The following RGS3 variants were observed in gnomAD, a reference collection of about 807,000 sequenced individuals.
RGS3 encodes the protein regulator of G-protein signalling 3.
RGS3 carries 80 observed loss-of-function variants against 132.6 expected under a neutral mutation model. The observed-to-expected ratio is 0.60, with a 90% CI of 0.50 to 0.73. The LOEUF (loss-of-function observed/expected upper bound fraction) is 0.73. Among genes scored for constraint, RGS3 ranks in the 30% least tolerant of loss-of-function variants. The pLI, the probability that RGS3 is intolerant of heterozygous loss-of-function variation, is 0.00. For synonymous variants in RGS3, 598 were observed against 620.6 expected (o/e 0.96, Z 0.54); for missense variants, 1,382 against 1,530.8 (o/e 0.90, Z 1.62).
chr9:113,522,265 C>G (rs1311642672), intron 16 of RGS3: 1 of 152,144 alleles, frequency 6.6e-6, no homozygotes, highest in African/African-American at 2.4e-5. Context: ...TAAACTTATC[C>G]ACAAGGAATT....
chr9:113,456,897 T>G (rs887072497), upstream of RGS3, among the ~76,000 whole-genome samples: 1 of 152,168 alleles, frequency 6.6e-6, no homozygotes, highest in African/African-American at 2.4e-5. Context: ...GCCTCCGGGT[T>G]CAAGCCATTC....
Position 113,591,858 on chromosome 9 carries a change from GA to G in RGS3, c.3080+463del. Reference sequence around the variant, plus strand: ...AGGGGGCGCTGCTGGCCCAGCTGCCGAATCCCGCACTCGCCAAGCCTTTCTG... The same window carrying G: ...AGGGGGCGCTGCTGGCCCAGCTGCCGATCCCGCACTCGCCAAGCCTTTCTG... On this transcript the variant is annotated intron_variant, in intron 21 of 24. Coordinates refer to ENST00000350696, the Ensembl canonical transcript of RGS3. This position sits in a 1 kb window ranked among gnomAD's most constrained non-coding sequence, Gnocchi z 4.4. 7.0e-5 allele frequency: 12 copies of G among 171,034 alleles called. No individual in the cohort carries two copies. The highest frequency in any genetic ancestry group is 5.6e-4 in the South Asian group (4 of 7,104). The allele number at this position is 171,034 out of a possible 1,614,324, so 10.6% of individuals were successfully genotyped here.
chr9:113,565,875 CTGTGTGTGTGTGTGTG>C lies in RGS3; in HGVS notation c.2038-17549_2038-17534del, dbSNP rs34919768. The C allele has an allele frequency of 5.0e-5, 7 of 138,956 alleles. No individual in the cohort carries two copies. The highest frequency in any genetic ancestry group is 1.8e-4 in the African/African-American group (6 of 33,188). 8.6% of individuals were successfully genotyped at this position (138,956 alleles called of 1,614,324 possible). On this transcript the variant is annotated intron_variant, in intron 19 of 24. Coordinates refer to ENST00000350696, the Ensembl canonical transcript of RGS3. The surrounding 1 kb of genome is among the most constrained non-coding windows in gnomAD (Gnocchi z 5.7). ...ATTTGTGCTCTGTTCTGAGATAGCT[CTGTGTGTGTGTGTGTG>C]TGTGTGTGTGTGTGTGTGTGTGTGT...
Position 113,565,825 on chromosome 9 carries a change from T to C in RGS3, c.2038-17625T>C, listed in dbSNP as rs768565906. 3.9e-4 allele frequency: 74 copies of C among 191,570 alleles called. No homozygotes were observed. Among genetic ancestry groups the C allele is most frequent in the Non-Finnish European group, 7.2e-4 (66 of 91,726 alleles). The allele number at this position is 191,570 out of a possible 1,614,324, so 11.9% of individuals were successfully genotyped here. ...TATTGTTTCTTCCCCAGGGCAGCCA[T>C]TGATAGGCATGTTGCAACCAAACCA... On this transcript the variant is annotated intron_variant, in intron 19 of 24. Coordinates refer to ENST00000350696, the Ensembl canonical transcript of RGS3. This position sits in a 1 kb window ranked among gnomAD's most constrained non-coding sequence, Gnocchi z 5.7.
At chr9:113,524,097 C>T (rs1197711733) in intron 17 of RGS3, among the ~76,000 whole-genome samples, 1 of 152,202 alleles carries the variant, frequency 6.6e-6, no homozygotes, top group African/African-American at 2.4e-5. Flanking sequence ...GCCGCCTGAG[C>T]AACTCCAGTT....
chr9:113,450,408 T>C (rs1408446342), intron 1 of RGS3, among the ~76,000 whole-genome samples: 1 of 152,228 alleles, frequency 6.6e-6, no homozygotes, highest in Non-Finnish European at 1.5e-5. Context: ...GGCCCCAGGC[T>C]TGGCAGTAGG....
chr9:113,558,021 A>T (rs1295600729), intron 19 of RGS3, among the ~76,000 whole-genome samples: 1 of 152,190 alleles, frequency 6.6e-6, no homozygotes, highest in Non-Finnish European at 1.5e-5. Context: ...GGAGGAAGGC[A>T]AGTCGAGAGG....
chr9:113,458,081 T>C (rs188734844), upstream of RGS3, among the ~76,000 whole-genome samples: 194 of 152,336 alleles, frequency 1.3e-3, no homozygotes, highest in Middle Eastern at 0.01. Flanking sequence ...TCCCACAGTG[T>C]ATGCATGATC....
At chr9:113,541,824 C>G in intron 19 of RGS3, 1 of 992,302 alleles carries the variant, frequency 1.0e-6, no homozygotes, top group Non-Finnish European at 1.2e-6. Flanking sequence ...CAGAGGACAT[C>G]TCCGCCCATC....
chr9:113,594,286 G>A (rs928592167), intron 21 of RGS3, 144 bp from the exon 20 acceptor site: 8 of 1,601,512 alleles, frequency 5.0e-6, no homozygotes, highest in Non-Finnish European at 6.8e-6. Flanking sequence ...GATGCTCCGA[G>A]GCATGTACCT....
At chr9:113,485,884 A>G (rs1185531648) in intron 7 of RGS3, among the ~76,000 whole-genome samples, 191 bp downstream of exon 5, 3 of 152,224 alleles carry the variant, frequency 2.0e-5, no homozygotes, top group Middle Eastern at 3.2e-3. Flanking sequence ...TGTGTTATCA[A>G]TGAGCATTTG....
At chr9:113,455,761 A>G (rs2119149696), upstream of RGS3, among the ~76,000 whole-genome samples, 1 of 152,248 alleles carries the variant, frequency 6.6e-6, no homozygotes. Context: ...ACCTTGTTCT[A>G]CCTTGAAGAT....
At chr9:113,554,030 A>T (rs1833469278) in intron 19 of RGS3, among the ~76,000 whole-genome samples, 1 of 152,196 alleles carries the variant, frequency 6.6e-6, no homozygotes. Context: ...TGTGGCACAC[A>T]CTACCGAAGT....
intron 4 of RGS3, among the ~76,000 whole-genome samples, chr9:113,482,489 CCTGTG>C (rs1830197941): frequency 2.0e-5 from 3 of 152,236 alleles, no homozygotes; most frequent in African/African-American, 7.2e-5. Flanking sequence ...GCTTGTGACT[CCTGTG>C]CTGTGCTGTC....
chr9:113,495,857 G>A lies in RGS3; in HGVS notation c.750+11G>A. On this transcript the variant is annotated intron_variant, in intron 8 of 24. Coordinates refer to ENST00000350696, the Ensembl canonical transcript of RGS3. ...CTGACTCCAGACAAGGTGGGTCCTA[G>A]GGATGCTTCTGTCAGGATCATCCCA... 2 of 1,612,800 alleles carry A rather than the reference G, an allele frequency of 1.2e-6. No individual in the cohort carries two copies. Among genetic ancestry groups the A allele is most frequent in the South Asian group, 1.1e-5 (1 of 91,060 alleles).
chr9:113,559,429 T>G (rs1256429596), intron 19 of RGS3, among the ~76,000 whole-genome samples: 1 of 152,170 alleles, frequency 6.6e-6, no homozygotes, highest in East Asian at 1.9e-4. Context: ...TGCCCCAGGA[T>G]GGAGGCAGAA....
chr9:113,512,593 C>T (rs551183833), intron 14 of RGS3, among the ~76,000 whole-genome samples: 5 of 152,190 alleles, frequency 3.3e-5, no homozygotes, highest in East Asian at 1.9e-4. Flanking sequence ...GTTTTATCTC[C>T]GAGGCTGTGG....
intron 18 of RGS3, among the ~76,000 whole-genome samples, chr9:113,533,379 C>T (rs575744191): frequency 6.6e-5 from 10 of 152,160 alleles, no homozygotes; most frequent in South Asian, 6.2e-4. Flanking sequence ...TACAGGTGCA[C>T]ACCACCATGC....
exon 20 of RGS3, chr9:113,584,206 C>A: frequency 6.2e-7 from 1 of 1,614,066 alleles, no homozygotes; most frequent in Non-Finnish European, 8.5e-7. Context: ...CCTCTCACTG[C>A]GTGTGCAGAA....
Sources: gnomAD v4.1 joint callset for allele counts (sites outside exome capture counted in the v4.1 genomes callset) on GRCh38, gnomAD v4.1.1 for gene constraint, Gnocchi (gnomAD v3.1) non-coding constraint, MANE v1.5 for transcripts, NCBI Gene and HGNC (gene_info 2026-07-23, HGNC 2026-07-21) for gene names.